Variants in DMRT1 observed in about 807,000 individuals in gnomAD.
DMRT1 encodes doublesex and mab-3 related transcription factor 1.
Under a neutral mutation model 32.3 loss-of-function variants are expected in DMRT1, and 7 were observed. The observed-to-expected ratio is 0.22, with a 90% CI of 0.12 to 0.41. DMRT1 has a LOEUF of 0.41. Among genes scored for constraint, DMRT1 ranks in the 10% least tolerant of loss-of-function variants. The pLI is 1.00. For synonymous variants in DMRT1, 278 were observed against 206.1 expected, an observed-to-expected ratio of 1.35 and a Z score of -2.99; for missense variants, 625 against 500.5, an observed-to-expected ratio of 1.25 and a Z score of -2.37.
chr9:962,817 A>G (rs1819818267), intron 4 of DMRT1, among the ~76,000 whole-genome samples: 2 of 152,102 alleles, frequency 1.3e-5, no homozygotes, highest in Admixed American at 1.3e-4. Context: ...TGATGGGTGC[A>G]TTATCACTTA....
chr9:861,903 G>T (rs1256317092), intron 2 of DMRT1, among the ~76,000 whole-genome samples: 3 of 149,918 alleles, frequency 2.0e-5, no homozygotes, highest in African/African-American at 7.3e-5. Flanking sequence ...CATCCCAGAT[G>T]GGGCGGCGGG....
chr9:885,167 G>A (rs1219002558), intron 2 of DMRT1, among the ~76,000 whole-genome samples: 2 of 152,198 alleles, frequency 1.3e-5, no homozygotes, highest in Non-Finnish European at 2.9e-5. Context: ...CCATGGCAGT[G>A]TCTAGGGGTG....
rs796386009 is a variant in DMRT1, at chr9:953,032, G to C, written c.968-14953G>C. On this transcript the variant is annotated intron_variant, in intron 4 of 4. Transcript: ENST00000382276. The stretch of plus-strand genomic sequence containing the variant: ...TTTGAAAGATACACATCTTTGAAAT[G>C]TGTAGAGACTTTCTTTGTGGACTGC... Among the ~76,000 whole-genome samples, 8 of 152,278 alleles carry C rather than the reference G, an allele frequency of 5.3e-5. 1 individual carries two copies. Among genetic ancestry groups the C allele is most frequent in the African/African-American group, 1.9e-4 (8 of 41,558 alleles).
At chr9:933,738 T>G (rs1007590107) in intron 4 of DMRT1, among the ~76,000 whole-genome samples, 2 of 152,250 alleles carry the variant, frequency 1.3e-5, no homozygotes, top group Non-Finnish European at 2.9e-5. Context: ...AGGCTAGTTA[T>G]ATCGTATTGG....
At chr9:915,438 G>A (rs1232361534) in intron 3 of DMRT1, among the ~76,000 whole-genome samples, 1 of 152,174 alleles carries the variant, frequency 6.6e-6, no homozygotes, top group Non-Finnish European at 1.5e-5. Flanking sequence ...CTATCTCATG[G>A]TCCTAAAGGC....
At chr9:849,124 A>G (rs1461698403) in intron 2 of DMRT1, among the ~76,000 whole-genome samples, 2 of 151,968 alleles carry the variant, frequency 1.3e-5, no homozygotes, top group South Asian at 2.1e-4. Context: ...ATTTACAGAT[A>G]GGAAAACCAA....
At chr9:924,182 C>T (rs570886842) in intron 4 of DMRT1, among the ~76,000 whole-genome samples, 29 of 151,898 alleles carry the variant, frequency 1.9e-4, no homozygotes, top group African/African-American at 7.0e-4. Context: ...AGCAATTCTC[C>T]TACCTCAGCC....
intron 3 of DMRT1, among the ~76,000 whole-genome samples, chr9:897,727 C>T (rs144677692): frequency 4.5e-4 from 68 of 152,270 alleles, no homozygotes; most frequent in African/African-American, 1.6e-3. Flanking sequence ...AGAGCCACCG[C>T]GCCCGGCCTA....
chr9:847,584 G>T (rs1313589887), intron 2 of DMRT1, among the ~76,000 whole-genome samples: 6 of 152,246 alleles, frequency 3.9e-5, no homozygotes, highest in African/African-American at 1.2e-4. Context: ...AACACCGGAA[G>T]GAAGGCCACG....
intron 3 of DMRT1, among the ~76,000 whole-genome samples, chr9:915,092 C>A (rs55662673): frequency 0.012 from 1,853 of 152,312 alleles, 41 homozygotes; most frequent in African/African-American, 0.043. Flanking sequence ...TTTGAAATTA[C>A]TCATATTTCT....
At chr9:871,233 G>T (rs1390248216) in intron 2 of DMRT1, among the ~76,000 whole-genome samples, 27 of 151,692 alleles carry the variant, frequency 1.8e-4, no homozygotes, top group Admixed American at 1.8e-3. Context: ...TTGCCACGTT[G>T]CCCAGGCTAG....
chr9:899,104 T>C (rs1817477851), intron 3 of DMRT1, among the ~76,000 whole-genome samples: 1 of 152,172 alleles, frequency 6.6e-6, no homozygotes, highest in African/African-American at 2.4e-5. Context: ...TGTTGATTTT[T>C]GTATCCTGTA....
chr9:920,127 A>T (rs547088612), intron 4 of DMRT1, among the ~76,000 whole-genome samples: 1 of 152,232 alleles, frequency 6.6e-6, no homozygotes, highest in East Asian at 1.9e-4. Context: ...TAGGAGTTGG[A>T]TGTGTGGAGT....
At chr9:891,019 C>G (rs2132646956) in intron 2 of DMRT1, among the ~76,000 whole-genome samples, 1 of 152,012 alleles carries the variant, frequency 6.6e-6, no homozygotes, top group Middle Eastern at 3.4e-3. Context: ...GCGTGAGCCA[C>G]CGCGCTCAGC....
rs1276171327 is a variant in DMRT1, at chr9:965,093, A to G, written c.968-2892A>G. On this transcript the variant is annotated intron_variant, in intron 4 of 4. Coordinates refer to ENST00000382276, the MANE Select transcript of DMRT1 (RefSeq NM_021951.3). This position sits in a 1 kb window ranked among gnomAD's most constrained non-coding sequence, Gnocchi z 4.5. ...TCCAAAAGTTTAAGGAAGCTGCATTAAAATGGAAAAGGTACCTCTGAGGGA... is the reference window on the plus strand; with the variant it reads ...TCCAAAAGTTTAAGGAAGCTGCATTGAAATGGAAAAGGTACCTCTGAGGGA... 6.6e-6 allele frequency among the ~76,000 whole-genome samples: 1 copy of G among 152,216 alleles called. No individual in the cohort carries two copies. Among genetic ancestry groups the G allele is most frequent in the East Asian group, 1.9e-4 (1 of 5,206 alleles).
chr9:917,073 C>A (rs936713119), intron 4 of DMRT1, among the ~76,000 whole-genome samples, 166 bp downstream of exon 4: 1 of 152,164 alleles, frequency 6.6e-6, no homozygotes, highest in African/African-American at 2.4e-5. Flanking sequence ...TATAAAATGA[C>A]TTTGCTATGC....
At chr9:852,398 CTT>C (rs552700304) in intron 2 of DMRT1, among the ~76,000 whole-genome samples, 1 of 138,394 alleles carries the variant, frequency 7.2e-6, no homozygotes. Context: ...ATAAAATGTA[CTT>C]TTTTTTTTTT....
intron 3 of DMRT1, among the ~76,000 whole-genome samples, chr9:912,144 A>G (rs1275725168): frequency 6.6e-6 from 1 of 152,224 alleles, no homozygotes; most frequent in Non-Finnish European, 1.5e-5. Flanking sequence ...AGAGAGGAGA[A>G]AGAGAACAGG....
chr9:860,719 C>G (rs926618143), intron 2 of DMRT1, among the ~76,000 whole-genome samples: 1 of 152,142 alleles, frequency 6.6e-6, no homozygotes, highest in Non-Finnish European at 1.5e-5. Flanking sequence ...GGGACACGGG[C>G]TGTTTTAAAT....
Sources: allele counts gnomAD v4.1 joint callset (sites outside exome capture counted in the v4.1 genomes callset), GRCh38; gene constraint gnomAD v4.1.1; non-coding constraint Gnocchi (gnomAD v3.1); transcripts MANE v1.5; gene names NCBI Gene and HGNC (gene_info 2026-07-23, HGNC 2026-07-21).